Variants in SLC9B2 observed in about 807,000 individuals in gnomAD.
SLC9B2 encodes the protein sodium/hydrogen exchanger 9B2.
SLC9B2 carries 39 observed loss-of-function variants against 52.2 expected under a neutral mutation model. The ratio of observed to expected loss-of-function variants is 0.75; its 90% CI spans 0.58 to 0.98. SLC9B2 has a LOEUF of 0.98. Ranked by LOEUF, SLC9B2 falls within the 50% of genes least tolerant of loss-of-function variation. The pLI is 0.00. For missense variants in SLC9B2, 626 were observed against 637.5 expected, an observed-to-expected ratio of 0.98 and a Z score of 0.19; for synonymous variants, 214 against 227.0, an observed-to-expected ratio of 0.94 and a Z score of 0.51.
At chr4:103,065,578 TATAG>T (rs1349492936) in intron 3 of SLC9B2, 3 of 152,218 alleles carry the variant, frequency 2.0e-5, no homozygotes, top group South Asian at 2.1e-4. Flanking sequence ...AATTTGCCTT[TATAG>T]ATAATTTTCA....
chr4:103,026,667 G>T, intron 11 of SLC9B2, 76 bp from the exon 12 acceptor site: 3 of 1,363,486 alleles, frequency 2.2e-6, no homozygotes, highest in Non-Finnish European at 2.0e-6. Context: ...TTTATTGTTT[G>T]CAAAAGCAAA....
intron 9 of SLC9B2, among the ~76,000 whole-genome samples, chr4:103,034,121 GA>G (rs1742940762): frequency 6.6e-6 from 1 of 152,000 alleles, no homozygotes; most frequent in African/African-American, 2.4e-5. Context: ...TAGACAAATA[GA>G]ACAGGTTAGA....
intron 4 of SLC9B2, among the ~76,000 whole-genome samples, chr4:103,054,292 A>G (rs1463001274): frequency 6.6e-6 from 1 of 152,214 alleles, no homozygotes; most frequent in Non-Finnish European, 1.5e-5. Flanking sequence ...AAAACAAAAC[A>G]AAACAACCAA....
At chr4:103,060,222 G>A (rs745332519) in intron 3 of SLC9B2, among the ~76,000 whole-genome samples, 4 of 149,130 alleles carry the variant, frequency 2.7e-5, no homozygotes, top group East Asian at 3.9e-4. Context: ...CCTAGTTTTC[G>A]TATCTTTCAT....
chr4:103,028,101 A>G (rs1022096676), intron 11 of SLC9B2, among the ~76,000 whole-genome samples: 2 of 152,194 alleles, frequency 1.3e-5, no homozygotes, highest in Non-Finnish European at 2.9e-5. Flanking sequence ...TAACAAATGC[A>G]TGGTCAACAA....
Position 103,075,658 on chromosome 4 carries a change from C to T in SLC9B2, c.-43+526G>A, listed in dbSNP as rs547865908. 3.3e-5 allele frequency among the ~76,000 whole-genome samples: 5 copies of T among 152,260 alleles called. No individual in the cohort carries two copies. The South Asian group carries it at 1.0e-3, about 32-fold the overall frequency. On this transcript the variant is annotated intron_variant, in intron 1 of 11. Transcript: ENST00000394785. Reference sequence around the variant, plus strand: ...CAGTCCTCACCCATAAGAAACAATCCTCATGCAATCCTCTAGTAGCTTTTC... The same window carrying T: ...CAGTCCTCACCCATAAGAAACAATCTTCATGCAATCCTCTAGTAGCTTTTC...
intron 3 of SLC9B2, among the ~76,000 whole-genome samples, chr4:103,059,931 T>C (rs1266692616): frequency 6.6e-6 from 1 of 152,160 alleles, no homozygotes; most frequent in East Asian, 1.9e-4. Flanking sequence ...TGTTAAATTC[T>C]AGGTTGAGTG....
intron 1 of SLC9B2, among the ~76,000 whole-genome samples, chr4:103,072,056 G>GTTTGTTTTTTTTTTTTTTT (rs1746688084): frequency 1.0e-5 from 1 of 95,306 alleles, no homozygotes; most frequent in East Asian, 3.0e-4. Flanking sequence ...TGGCTTTCAT[G>GTTTGTTTTTTTTTTTTTTT]TTTTTTTTTT....
At chr4:103,019,165 G>A (rs975344697), downstream of SLC9B2, among the ~76,000 whole-genome samples, 5 of 152,144 alleles carry the variant, frequency 3.3e-5, no homozygotes, top group East Asian at 3.9e-4. Context: ...GTGGGTGGGT[G>A]GGGGAAGAGA....
chr4:103,074,211 G>A (rs1746916615), intron 1 of SLC9B2, among the ~76,000 whole-genome samples: 1 of 152,190 alleles, frequency 6.6e-6, no homozygotes, highest in Non-Finnish European at 1.5e-5. Flanking sequence ...GAAAAGTCAA[G>A]ATTAGCTGAA....
At chr4:103,022,239 T>TA (rs1160650687), downstream of SLC9B2, among the ~76,000 whole-genome samples, 1 of 152,212 alleles carries the variant, frequency 6.6e-6, no homozygotes, top group African/African-American at 2.4e-5. Flanking sequence ...AAATGGATTT[T>TA]AAAACAAGCT....
intron 7 of SLC9B2, among the ~76,000 whole-genome samples, chr4:103,046,297 G>A (rs1271444022): frequency 2.0e-5 from 3 of 152,156 alleles, no homozygotes; most frequent in Non-Finnish European, 4.4e-5. Flanking sequence ...TTGAACATAA[G>A]ATTAAGAAAT....
At chr4:103,061,364 G>A (rs1017008574) in intron 3 of SLC9B2, among the ~76,000 whole-genome samples, 48 of 152,100 alleles carry the variant, frequency 3.2e-4, no homozygotes, top group African/African-American at 1.1e-3. Flanking sequence ...TTGTAGGGAC[G>A]TGGATGAAGC....
chr4:103,019,704 G>T, downstream of SLC9B2: 8 of 985,526 alleles, frequency 8.1e-6, no homozygotes, highest in Non-Finnish European at 9.6e-6. Context: ...TGACGCGAAA[G>T]CCCGGATAGA....
downstream of SLC9B2, chr4:103,020,232 A>T (rs564073150): frequency 1.3e-4 from 53 of 402,964 alleles, no homozygotes; most frequent in African/African-American, 1.1e-3. Flanking sequence ...ATATACTGTT[A>T]TCAGTATAAA....
Position 103,031,798 on chromosome 4 carries a change from T to A in SLC9B2, c.1157A>T (p.Glu386Val). The A allele has an allele frequency of 6.2e-7, 1 of 1,612,538 alleles. No individual in the cohort carries two copies. Among genetic ancestry groups the A allele is most frequent in the Non-Finnish European group, 8.5e-7 (1 of 1,179,010 alleles). Residue 386 changes from glutamate to valine, a missense_variant, in exon 10 of 12, where the codon GAA (glutamate) becomes GTA (valine). Transcript: ENST00000394785. Reference protein sequence around the residue: ...MGWTSEKAEVEKIIAVAWDIF... With the variant: ...MGWTSEKAEVVKIIAVAWDIF... ...GTCCCAGGCAACTGCAATTATCTTTTCAACCTCTGCCTAAAATAACAATAA... is the reference window on the plus strand; with the variant it reads ...GTCCCAGGCAACTGCAATTATCTTTACAACCTCTGCCTAAAATAACAATAA...
At position 103,026,622 on chromosome 4, in the gene SLC9B2, A is replaced by G. The variant is rs775467054; in HGVS notation, c.1393-31T>C. ...AAAGTTTAAGGGTAAAAATGGAATC[A>G]TGATAAGATAAGCACATATAAAAAA... On this transcript the variant is annotated intron_variant, in intron 11 of 11. Transcript: ENST00000394785. 4.4e-6 allele frequency: 7 copies of G among 1,582,854 alleles called. No individual in the cohort carries two copies. The East Asian group carries it at 1.6e-4, about 36-fold the overall frequency.
At chr4:103,055,170 A>T (rs1745019549) in intron 4 of SLC9B2, among the ~76,000 whole-genome samples, 1 of 145,328 alleles carries the variant, frequency 6.9e-6, no homozygotes, top group Non-Finnish European at 1.5e-5. Flanking sequence ...GTTCTCACTC[A>T]TAGGTGGGAA....
chr4:103,050,726 G>A (rs139860411), intron 4 of SLC9B2, among the ~76,000 whole-genome samples: 301 of 152,272 alleles, frequency 2.0e-3, no homozygotes, highest in Middle Eastern at 0.017. Flanking sequence ...AGCAAACAGC[G>A]CATGAAATTA....
Sources: allele counts gnomAD v4.1 joint callset (sites outside exome capture counted in the v4.1 genomes callset), GRCh38; gene constraint gnomAD v4.1.1; transcripts MANE v1.5; gene names NCBI Gene and HGNC (gene_info 2026-07-23, HGNC 2026-07-21).